The following ZDHHC20 variants were observed in gnomAD, a reference collection of about 807,000 sequenced individuals.
ZDHHC20 encodes palmitoyltransferase ZDHHC20.
ZDHHC20 carries 43 observed loss-of-function variants against 57.8 expected under a neutral mutation model. The ratio of observed to expected loss-of-function variants is 0.74; its 90% CI spans 0.58 to 0.96. ZDHHC20 has a LOEUF of 0.96. Among genes scored for constraint, ZDHHC20 ranks in the 40% least tolerant of loss-of-function variants. ZDHHC20 has a pLI of 0.00. For missense variants in ZDHHC20, 391 were observed against 441.1 expected, an observed-to-expected ratio of 0.89 and a Z score of 1.02; for synonymous variants, 157 against 153.0, an observed-to-expected ratio of 1.03 and a Z score of -0.19.
chr13:21,380,602 G>A (rs1420960499), intron 11 of ZDHHC20, among the ~76,000 whole-genome samples: 8 of 151,442 alleles, frequency 5.3e-5, no homozygotes, highest in African/African-American at 1.9e-4. Context: ...GACCATCCTG[G>A]CCAACATGGT....
intron 7 of ZDHHC20, among the ~76,000 whole-genome samples, chr13:21,397,750 G>C (rs959983922): frequency 2.0e-5 from 3 of 151,918 alleles, no homozygotes; most frequent in Admixed American, 2.0e-4. Flanking sequence ...CTAGAAATGG[G>C]CAAAGAACAC....
At chr13:21,391,936 A>T in intron 7 of ZDHHC20, 82 bp from the exon 8 acceptor site, 1 of 1,408,796 alleles carries the variant, frequency 7.1e-7, no homozygotes. Context: ...ATTGTTGAAT[A>T]TATCAAAATA....
rs1363240542 is a variant in ZDHHC20, at chr13:21,459,176, C to T, written c.-5G>A. Reference sequence around the variant, plus strand: ...CCACAGCGTCCAGGGCGCCATGTTCCGCTGGCGGCTGCCGAGCCCCGCGTC... The same window carrying T: ...CCACAGCGTCCAGGGCGCCATGTTCTGCTGGCGGCTGCCGAGCCCCGCGTC... On this transcript the variant is annotated 5_prime_UTR_variant, in exon 1 of 13. Coordinates refer to ENST00000400590, the MANE Select transcript of ZDHHC20 (RefSeq NM_001330059.2). The T allele has an allele frequency of 5.0e-6, 8 of 1,594,708 alleles. No homozygotes were observed. Among genetic ancestry groups the T allele is most frequent in the Non-Finnish European group, 6.8e-6 (8 of 1,172,480 alleles).
chr13:21,420,708 T>C (rs895987330), intron 3 of ZDHHC20, among the ~76,000 whole-genome samples: 1 of 152,262 alleles, frequency 6.6e-6, no homozygotes. Context: ...TATCTGTTCA[T>C]GCCTGAGAAA....
At chr13:21,391,614 C>A in intron 8 of ZDHHC20, 108 bp downstream of exon 8, 1 of 1,224,138 alleles carries the variant, frequency 8.2e-7, no homozygotes, top group Non-Finnish European at 1.1e-6. Flanking sequence ...ATTCCAGAGT[C>A]AGAATTGTCT....
intron 10 of ZDHHC20, chr13:21,381,776 CA>C: frequency 1.7e-6 from 1 of 574,794 alleles, no homozygotes; most frequent in Non-Finnish European, 3.1e-6. Flanking sequence ...CCAATGAAAA[CA>C]ATTAGTCAAA....
chr13:21,443,519 A>G (rs1336700690), intron 1 of ZDHHC20, among the ~76,000 whole-genome samples: 1 of 152,238 alleles, frequency 6.6e-6, no homozygotes, highest in Non-Finnish European at 1.5e-5. Context: ...TGTCCTAGCT[A>G]TGCCATAGGC....
chr13:21,423,968 T>C (rs1457427658), intron 2 of ZDHHC20, among the ~76,000 whole-genome samples: 2 of 151,978 alleles, frequency 1.3e-5, no homozygotes, highest in Admixed American at 6.6e-5. Flanking sequence ...GTAAAAACAA[T>C]ATACTCTTCA....
intron 4 of ZDHHC20, among the ~76,000 whole-genome samples, chr13:21,409,794 T>A (rs1261654626): frequency 1.3e-5 from 2 of 152,198 alleles, no homozygotes; most frequent in Non-Finnish European, 2.9e-5. Flanking sequence ...CATATCTTTA[T>A]ATCAAGGTTC....
intron 1 of ZDHHC20, among the ~76,000 whole-genome samples, chr13:21,440,438 CTG>C (rs1883023677): frequency 6.6e-6 from 1 of 152,020 alleles, no homozygotes; most frequent in Non-Finnish European, 1.5e-5. Context: ...TGGTGAAACC[CTG>C]TCTCTACTAA....
chr13:21,443,586 A>G (rs933237300), intron 1 of ZDHHC20, among the ~76,000 whole-genome samples: 2 of 152,198 alleles, frequency 1.3e-5, no homozygotes, highest in African/African-American at 4.8e-5. Context: ...TTTTAGAAGG[A>G]TATGTGGAAA....
intron 1 of ZDHHC20, among the ~76,000 whole-genome samples, chr13:21,433,893 A>G (rs143372091): frequency 6.6e-6 from 1 of 152,378 alleles, no homozygotes; most frequent in Non-Finnish European, 1.5e-5. Flanking sequence ...TATTATAAAC[A>G]GCATTTCTAA....
chr13:21,424,824 G>A (rs1487247833), intron 2 of ZDHHC20, among the ~76,000 whole-genome samples: 1 of 152,020 alleles, frequency 6.6e-6, no homozygotes, highest in Non-Finnish European at 1.5e-5. Flanking sequence ...CTGTATCTGT[G>A]CTTCCAACAT....
rs566585484 is a variant in ZDHHC20, at chr13:21,373,701, C to G, written c.*2995G>C. Reference sequence around the variant, plus strand: ...TGTCATCACAAAGTGTTTGAAGGACCAAAGATAGTACTTCTAAAATTTGAC... The same window carrying G: ...TGTCATCACAAAGTGTTTGAAGGACGAAAGATAGTACTTCTAAAATTTGAC... On this transcript the variant is annotated 3_prime_UTR_variant, in exon 13 of 13. Transcript: ENST00000400590. 115 of 152,202 alleles carry G rather than the reference C, an allele frequency of 7.6e-4. No homozygotes were observed. Among genetic ancestry groups the G allele is most frequent in the African/African-American group, 2.6e-3 (108 of 41,530 alleles). The allele number at this position is 152,202 out of a possible 1,614,324, so 9.4% of individuals were successfully genotyped here.
At chr13:21,423,979 T>C (rs1034107968) in intron 2 of ZDHHC20, among the ~76,000 whole-genome samples, 1 of 152,046 alleles carries the variant, frequency 6.6e-6, no homozygotes, top group African/African-American at 2.4e-5. Flanking sequence ...ATACTCTTCA[T>C]AGTTTTAAAA....
intron 3 of ZDHHC20, among the ~76,000 whole-genome samples, chr13:21,416,078 G>A (rs138433506): frequency 4.5e-3 from 678 of 151,898 alleles, no homozygotes; most frequent in African/African-American, 0.015. Flanking sequence ...GGTGGCATGC[G>A]CCTGTAGTCC....
intron 3 of ZDHHC20, among the ~76,000 whole-genome samples, chr13:21,416,562 T>C (rs1880002111): frequency 6.6e-6 from 1 of 152,186 alleles, no homozygotes; most frequent in South Asian, 2.1e-4. Context: ...GAGAGCCATA[T>C]AAACAAAGAA....
chr13:21,384,388 C>G (rs1874053817), intron 9 of ZDHHC20, among the ~76,000 whole-genome samples: 1 of 144,458 alleles, frequency 6.9e-6, no homozygotes, highest in Non-Finnish European at 1.5e-5. Context: ...TGCAGTGAGC[C>G]AAGATCGCAC....
rs61257096 is a variant in ZDHHC20, at chr13:21,447,202, G to A, written c.118+11852C>T. ...AAACAACCAGAGACCGCCGAGGTGC[G>A]GGCTGTGAGAGAGGGAGCGTGGAGC... On this transcript the variant is annotated intron_variant, in intron 1 of 12. Transcript: ENST00000400590. Among the ~76,000 whole-genome samples the A allele has an allele frequency of 1.1e-3, 160 of 146,742 alleles. 2 individuals are homozygous for A. The highest frequency in any genetic ancestry group is 3.8e-3 in the African/African-American group (151 of 39,586).
Sources: allele counts gnomAD v4.1 joint callset (sites outside exome capture counted in the v4.1 genomes callset), GRCh38; gene constraint gnomAD v4.1.1; transcripts MANE v1.5; gene names NCBI Gene and HGNC (gene_info 2026-07-23, HGNC 2026-07-21).